NDUFS4: variants seen among roughly 807,000 people sequenced by gnomAD.
NDUFS4 encodes NADH dehydrogenase [ubiquinone] iron-sulfur protein 4, mitochondrial.
Under a neutral mutation model 24.3 loss-of-function variants are expected in NDUFS4, and 28 were observed. The ratio of observed to expected loss-of-function variants is 1.15; its 90% CI spans 0.85 to 1.58. The LOEUF (loss-of-function observed/expected upper bound fraction) is 1.58. Ranked by LOEUF, NDUFS4 falls within the 40% of genes most tolerant of loss-of-function variation. The pLI, the probability that NDUFS4 is intolerant of heterozygous loss-of-function variation, is 0.00. For missense variants in NDUFS4, 223 were observed against 207.9 expected, an observed-to-expected ratio of 1.07 and a Z score of -0.45; for synonymous variants, 93 against 69.7, an observed-to-expected ratio of 1.34 and a Z score of -1.67.
At position 53,667,710 on chromosome 5, in the gene NDUFS4, A is replaced by T. The variant is rs570986077; in HGVS notation, c.424+9086A>T. On this transcript the variant is annotated intron_variant, in intron 4 of 4. Coordinates refer to ENST00000296684, the MANE Select transcript of NDUFS4 (RefSeq NM_002495.4). ...AGGCATTTAAAAAAAAAAGGTTCAG[A>T]TGCACTAATATGTAAAGACTACTGG... Among the ~76,000 whole-genome samples, 4 of 152,256 alleles carry T rather than the reference A, an allele frequency of 2.6e-5. No homozygotes were observed. In the South Asian group the frequency reaches 6.2e-4, roughly 24 times the overall value.
chr5:53,610,645 C>T (rs1226953230), intron 2 of NDUFS4, among the ~76,000 whole-genome samples: 1 of 152,184 alleles, frequency 6.6e-6, no homozygotes, highest in African/African-American at 2.4e-5. Flanking sequence ...ACCTTGGAGT[C>T]CCAGTAGTTT....
At chr5:53,592,999 A>G (rs933313543) in intron 1 of NDUFS4, among the ~76,000 whole-genome samples, 1 of 152,148 alleles carries the variant, frequency 6.6e-6, no homozygotes, top group African/African-American at 2.4e-5. Flanking sequence ...GAATTAGTCT[A>G]TAGTTTTCCT....
chr5:53,622,000 G>A (rs547580929), intron 2 of NDUFS4, among the ~76,000 whole-genome samples: 77 of 151,916 alleles, frequency 5.1e-4, no homozygotes, highest in African/African-American at 1.7e-3. Context: ...GCGCCCGGCC[G>A]TAAATTATTA....
chr5:53,571,358 A>G (rs1749203807), intron 1 of NDUFS4, among the ~76,000 whole-genome samples: 1 of 152,242 alleles, frequency 6.6e-6, no homozygotes, highest in Admixed American at 6.5e-5. Flanking sequence ...TCCAAGTTGT[A>G]GCATGTACCA....
At chr5:53,650,933 A>G (rs1751997555) in intron 3 of NDUFS4, among the ~76,000 whole-genome samples, 1 of 152,238 alleles carries the variant, frequency 6.6e-6, no homozygotes, top group African/African-American at 2.4e-5. Flanking sequence ...ACAAAACTGT[A>G]ACCTATTGTG....
At position 53,610,994 on chromosome 5, in the gene NDUFS4, A is replaced by G. The variant is rs141452752; in HGVS notation, c.177+7464A>G. Among the ~76,000 whole-genome samples the G allele has an allele frequency of 4.0e-3, 611 of 152,246 alleles. 24 individuals carry two copies. The highest frequency in any genetic ancestry group is 0.035 in the Admixed American group (535 of 15,268). ...TTCTCTCTTTTGTGTGCTGTTATCAAGTCGTGTTTCTTTTCATCCATCTTT... is the reference window on the plus strand; with the variant it reads ...TTCTCTCTTTTGTGTGCTGTTATCAGGTCGTGTTTCTTTTCATCCATCTTT... On this transcript the variant is annotated intron_variant, in intron 2 of 4. Transcript: ENST00000296684.
intron 2 of NDUFS4, among the ~76,000 whole-genome samples, chr5:53,645,993 A>C (rs1236007035): frequency 6.6e-6 from 1 of 152,136 alleles, no homozygotes; most frequent in Admixed American, 6.6e-5. Context: ...AAAGGGCGTA[A>C]ATTTTTTTTA....
intron 2 of NDUFS4, among the ~76,000 whole-genome samples, chr5:53,635,146 C>T (rs1055449141): frequency 4.0e-5 from 6 of 151,872 alleles, no homozygotes; most frequent in East Asian, 3.9e-4. Context: ...GCTGAGATCA[C>T]GCCATTGCAC....
At chr5:53,658,508 A>G in intron 3 of NDUFS4, 43 bp from the exon 4 acceptor site, 1 of 1,358,074 alleles carries the variant, frequency 7.4e-7, no homozygotes. Flanking sequence ...TTTCTCAGCT[A>G]AAGCTTAATG....
intron 2 of NDUFS4, among the ~76,000 whole-genome samples, chr5:53,612,950 T>C (rs1187256365): frequency 1.3e-5 from 2 of 152,122 alleles, no homozygotes; most frequent in Admixed American, 1.3e-4. Flanking sequence ...TTTTATGTTG[T>C]TTTTTCTTCC....
At chr5:53,636,426 A>G (rs1481541971) in intron 2 of NDUFS4, among the ~76,000 whole-genome samples, 3 of 152,380 alleles carry the variant, frequency 2.0e-5, no homozygotes, top group South Asian at 2.1e-4. Context: ...GTAGCTAGAT[A>G]TTAGAAGAAA....
At chr5:53,617,344 T>C (rs1469179740) in intron 2 of NDUFS4, among the ~76,000 whole-genome samples, 1 of 152,170 alleles carries the variant, frequency 6.6e-6, no homozygotes, top group Admixed American at 6.5e-5. Flanking sequence ...CTTTTGACAC[T>C]CTGTCTTTTG....
At position 53,560,671 on chromosome 5, in the gene NDUFS4, G is replaced by T. The variant is rs1329465366; in HGVS notation, c.9G>T (p.Ala3=). Residue 3 remains alanine, a synonymous_variant, in exon 1 of 5, where the codon GCG becomes GCT. Transcript: ENST00000296684. ...CGTTTGCCTGCAGCAAGATGGCGGCGGTGTCAATGTCAGTGGTACTGAGGC... is the reference window on the plus strand; with the variant it reads ...CGTTTGCCTGCAGCAAGATGGCGGCTGTGTCAATGTCAGTGGTACTGAGGC... MA[A]VSMSVVLRQT... The T allele has an allele frequency of 6.2e-7, 1 of 1,614,216 alleles. No individual in the cohort carries two copies. The highest frequency in any genetic ancestry group is 2.2e-5 in the East Asian group (1 of 44,876).
At chr5:53,601,784 C>T (rs1012660773) in intron 1 of NDUFS4, among the ~76,000 whole-genome samples, 5 of 152,112 alleles carry the variant, frequency 3.3e-5, no homozygotes, top group African/African-American at 1.2e-4. Flanking sequence ...CTAGTGTATC[C>T]AGGTTGTATA....
intron 2 of NDUFS4, among the ~76,000 whole-genome samples, chr5:53,612,638 T>C (rs1750732575): frequency 1.3e-5 from 2 of 152,122 alleles, no homozygotes; most frequent in Admixed American, 1.3e-4. Context: ...TGAAAATTTC[T>C]TCCAAATAGC....
intron 1 of NDUFS4, among the ~76,000 whole-genome samples, chr5:53,599,960 G>A (rs1750258835): frequency 6.6e-6 from 1 of 151,818 alleles, no homozygotes; most frequent in African/African-American, 2.4e-5. Context: ...ATTTACTATA[G>A]ATTATACTTT....
chr5:53,651,973 C>T (rs1752031339), intron 3 of NDUFS4, among the ~76,000 whole-genome samples: 1 of 152,008 alleles, frequency 6.6e-6, no homozygotes, highest in Admixed American at 6.6e-5. Context: ...TGGGGTTTCA[C>T]CGTGTTAGCC....
chr5:53,600,754 T>C (rs1427217858), intron 1 of NDUFS4, among the ~76,000 whole-genome samples: 3 of 152,242 alleles, frequency 2.0e-5, no homozygotes, highest in African/African-American at 7.2e-5. Flanking sequence ...GAGGGTAGTT[T>C]CTTATCACAT....
intron 1 of NDUFS4, 51 bp from the exon 2 acceptor site, chr5:53,603,401 C>A: frequency 1.7e-6 from 2 of 1,179,840 alleles, no homozygotes; most frequent in Non-Finnish European, 2.5e-6. Context: ...ATTTGTCTGT[C>A]TCTCCTCTCA....
Sources: gnomAD v4.1 joint callset for allele counts (sites outside exome capture counted in the v4.1 genomes callset) on GRCh38, gnomAD v4.1.1 for gene constraint, MANE v1.5 for transcripts, NCBI Gene and HGNC (gene_info 2026-07-23, HGNC 2026-07-21) for gene names.